The following THUMPD2 variants were observed in gnomAD, a reference collection of about 807,000 sequenced individuals.
THUMPD2 encodes the protein U6 snRNA (guanine-N(2))-methyltransferase THUMPD2.
In THUMPD2, 56 loss-of-function variants were observed where a neutral mutation model predicts 49.4. The ratio of observed to expected loss-of-function variants is 1.13; its 90% CI spans 0.91 to 1.41. The LOEUF is 1.41. THUMPD2 is among the 40% of genes most tolerant of loss of function. The probability of loss-of-function intolerance (pLI) is 0.00; values close to 1 mark genes in which losing one functional copy is unlikely to be tolerated. For synonymous variants in THUMPD2, 237 were observed against 205.2 expected (o/e 1.15, Z -1.32); for missense variants, 709 against 594.5 (o/e 1.19, Z -2.00).
intron 8 of THUMPD2, among the ~76,000 whole-genome samples, chr2:39,753,990 CTG>C (rs1218105280): frequency 6.6e-6 from 1 of 152,080 alleles, no homozygotes; most frequent in Non-Finnish European, 1.5e-5. Flanking sequence ...GCACTTCTGA[CTG>C]TTTTTTAAAT....
In THUMPD2 at chr2:39,779,179, T is replaced by G. The variant is rs1679532694; in HGVS notation, c.61A>C (p.Thr21Pro). The part of the protein sequence containing the change: ...GPEAGARFFC[T>P]AGRGLEPFVM... The stretch of plus-strand genomic sequence containing the variant: ...AACGGCTCCAGGCCGCGACCCGCAG[T>G]GCAGAAGAATCGGGCGCCAGCCTCA... The change falls in exon 1 of 10, where the codon ACT becomes CCT. Residue 21 changes from threonine (T) to proline (P), a missense_variant. By Grantham distance (38) the Thr-to-Pro change is conservative. Coordinates refer to ENST00000505747, the MANE Select transcript of THUMPD2 (RefSeq NM_025264.5). The G allele has an allele frequency of 2.0e-6, 3 of 1,519,694 alleles. No homozygotes were observed. The highest frequency in any genetic ancestry group is 1.2e-5 in the South Asian group (1 of 81,706). 94.1% of individuals were successfully genotyped at this position (1,519,694 alleles called of 1,614,324 possible).
At chr2:39,745,607 A>T (rs1284392921) in intron 8 of THUMPD2, among the ~76,000 whole-genome samples, 1 of 152,164 alleles carries the variant, frequency 6.6e-6, no homozygotes, top group African/African-American at 2.4e-5. Flanking sequence ...TTTGAATTTA[A>T]TCCCAAGTCT....
chr2:39,739,193 C>T (rs537114805), intron 9 of THUMPD2, among the ~76,000 whole-genome samples: 17 of 152,146 alleles, frequency 1.1e-4, no homozygotes, highest in African/African-American at 3.6e-4. Context: ...TTGCACTGTA[C>T]TTCAAATACA....
chr2:39,753,965 C>A (rs537969052), intron 8 of THUMPD2, among the ~76,000 whole-genome samples: 1 of 152,130 alleles, frequency 6.6e-6, no homozygotes, highest in Admixed American at 6.5e-5. Context: ...AAAGCACACA[C>A]ACACAAACAG....
chr2:39,750,209 C>T (rs1187125980), intron 8 of THUMPD2, among the ~76,000 whole-genome samples: 2 of 152,194 alleles, frequency 1.3e-5, no homozygotes, highest in Non-Finnish European at 2.9e-5. Flanking sequence ...ATTTACACTC[C>T]CACCAACGGT....
At chr2:39,742,717 C>T (rs551733056) in intron 9 of THUMPD2, among the ~76,000 whole-genome samples, 3 of 152,338 alleles carry the variant, frequency 2.0e-5, no homozygotes, top group South Asian at 2.1e-4. Context: ...GGCTGCACTA[C>T]AGCATCACCT....
At chr2:39,778,883 A>AT (rs1468595902) in intron 1 of THUMPD2, among the ~76,000 whole-genome samples, 1 of 152,220 alleles carries the variant, frequency 6.6e-6, no homozygotes, top group East Asian at 1.9e-4. Context: ...CTCTCTTAAA[A>AT]ACTTGAGCCC....
chr2:39,749,556 T>G (rs1675105189), intron 8 of THUMPD2, among the ~76,000 whole-genome samples: 1 of 152,224 alleles, frequency 6.6e-6, no homozygotes, highest in Non-Finnish European at 1.5e-5. Context: ...TGTGATAAAT[T>G]GTTGGCTTTG....
chr2:39,771,614 A>C lies in THUMPD2; in HGVS notation c.153T>G (p.Phe51Leu). Residue 51 changes from phenylalanine to leucine, a missense_variant, in exon 2 of 10, where the codon TTT (phenylalanine) becomes TTG (leucine). Physicochemically the swap from Phe to Leu is conservative, Grantham distance 22. Coordinates refer to ENST00000505747, the MANE Select transcript of THUMPD2 (RefSeq NM_025264.5). Reference sequence around the variant, plus strand: ...TATTCAAATCAGAACAGGTGGTGAAAAAAACCTTTCCTGAAATATATTCAA... The same window carrying C: ...TATTCAAATCAGAACAGGTGGTGAACAAAACCTTTCCTGAAATATATTCAA... The part of the protein sequence containing the change: ...TQVEYISGKV[F>L]FTTCSDLNML... The C allele has an allele frequency of 6.2e-7, 1 of 1,604,440 alleles. No individual in the cohort carries two copies. The highest frequency in any genetic ancestry group is 1.1e-5 in the South Asian group (1 of 88,164).
chr2:39,753,117 C>T (rs1235260446), intron 8 of THUMPD2, among the ~76,000 whole-genome samples: 3 of 152,168 alleles, frequency 2.0e-5, no homozygotes, highest in African/African-American at 7.2e-5. Flanking sequence ...AAAACCCCTG[C>T]TTGATCCCCA....
chr2:39,765,390 C>T (rs2148313346), intron 5 of THUMPD2, among the ~76,000 whole-genome samples: 1 of 152,210 alleles, frequency 6.6e-6, no homozygotes, highest in Non-Finnish European at 1.5e-5. Context: ...GAACTTCTGA[C>T]CTCGTGATCT....
At chr2:39,739,358 G>A (rs1298819681) in intron 9 of THUMPD2, among the ~76,000 whole-genome samples, 1 of 152,102 alleles carries the variant, frequency 6.6e-6, no homozygotes, top group Admixed American at 6.6e-5. Flanking sequence ...TGGAATTGCT[G>A]TTCACCCTGC....
At chr2:39,770,333 C>T (rs1306997123) in intron 2 of THUMPD2, among the ~76,000 whole-genome samples, 1 of 151,956 alleles carries the variant, frequency 6.6e-6, no homozygotes, top group Non-Finnish European at 1.5e-5. Context: ...ATATAGCATC[C>T]GTATTGTGTT....
intron 9 of THUMPD2, among the ~76,000 whole-genome samples, chr2:39,739,561 T>G (rs547636235): frequency 6.6e-6 from 1 of 152,256 alleles, no homozygotes; most frequent in South Asian, 2.1e-4. Flanking sequence ...ACCATCTGTC[T>G]TCTCACAATG....
At position 39,760,047 on chromosome 2, in the gene THUMPD2, G is replaced by A. The variant is rs183192189; in HGVS notation, c.891+1284C>T. On this transcript the variant is annotated intron_variant, in intron 6 of 9. Transcript: ENST00000505747. Reference sequence around the variant, plus strand: ...GTATATAAAAATATGTGTGTATTACGTGGAATTCTATCTAATGACTAAGAA... The same window carrying A: ...GTATATAAAAATATGTGTGTATTACATGGAATTCTATCTAATGACTAAGAA... Among the ~76,000 whole-genome samples, 10 of 152,296 alleles carry A rather than the reference G, an allele frequency of 6.6e-5. No homozygotes were observed. The East Asian group carries it at 7.7e-4, about 12-fold the overall frequency.
chr2:39,775,074 G>T (rs753216245), intron 1 of THUMPD2, among the ~76,000 whole-genome samples: 1 of 152,146 alleles, frequency 6.6e-6, no homozygotes, highest in East Asian at 1.9e-4. Context: ...GAGCCCAGGA[G>T]TTTGAGATCA....
At chr2:39,761,240 C>A in intron 6 of THUMPD2, 91 bp downstream of exon 6, 1 of 1,137,526 alleles carries the variant, frequency 8.8e-7, no homozygotes, top group South Asian at 1.5e-5. Context: ...AAAGAAAAAG[C>A]AAGTAACATA....
intron 8 of THUMPD2, among the ~76,000 whole-genome samples, 153 bp downstream of exon 8, chr2:39,755,142 G>T (rs909580324): frequency 6.9e-6 from 1 of 145,600 alleles, no homozygotes; most frequent in African/African-American, 2.7e-5. Flanking sequence ...AAAATAAAAA[G>T]GTTAGACTAT....
chr2:39,740,207 C>T, intron 9 of THUMPD2, among the ~76,000 whole-genome samples: 1 of 152,126 alleles, frequency 6.6e-6, no homozygotes, highest in Middle Eastern at 3.2e-3. Flanking sequence ...CAAGGATGTT[C>T]AAAGAATAGT....
Sources: allele counts gnomAD v4.1 joint callset (sites outside exome capture counted in the v4.1 genomes callset), GRCh38; gene constraint gnomAD v4.1.1; transcripts MANE v1.5; gene names NCBI Gene and HGNC (gene_info 2026-07-23, HGNC 2026-07-21).